The following LDB2 variants were observed in gnomAD, a reference collection of about 807,000 sequenced individuals.
The protein encoded by LDB2 is LIM domain-binding protein 2.
LDB2 carries 12 observed loss-of-function variants against 44.3 expected under a neutral mutation model. The ratio of observed to expected loss-of-function variants is 0.27; its 90% CI spans 0.17 to 0.44. LDB2 has a LOEUF of 0.44. Ranked by LOEUF, LDB2 falls within the 20% of genes least tolerant of loss-of-function variation. The pLI is 1.00. For synonymous variants in LDB2, 164 were observed against 174.8 expected (o/e 0.94, Z 0.49); for missense variants, 344 against 473.5 (o/e 0.73, Z 2.54).
chr4:16,849,058 G>C (rs568648552), intron 1 of LDB2, among the ~76,000 whole-genome samples: 533 of 152,154 alleles, frequency 3.5e-3, no homozygotes, highest in Non-Finnish European at 6.4e-3. Flanking sequence ...TCCTTTCCCC[G>C]ATCTACAAAG....
intron 1 of LDB2, among the ~76,000 whole-genome samples, chr4:16,807,063 C>G (rs1489855305): frequency 6.6e-6 from 1 of 152,226 alleles, no homozygotes; most frequent in Admixed American, 6.5e-5. Context: ...CAGTCCCATC[C>G]TGGGACACAT....
intron 1 of LDB2, among the ~76,000 whole-genome samples, chr4:16,813,445 G>A (rs991676589): frequency 6.6e-6 from 1 of 152,062 alleles, no homozygotes; most frequent in Non-Finnish European, 1.5e-5. Context: ...ATTATCTTTA[G>A]AATACTTGAT....
At chr4:16,614,894 C>A (rs1193550261) in intron 2 of LDB2, among the ~76,000 whole-genome samples, 32 of 150,170 alleles carry the variant, frequency 2.1e-4, no homozygotes, top group Non-Finnish European at 4.3e-4. Flanking sequence ...AACGGTGAAA[C>A]CCCGTCTCTA....
chr4:16,563,539 C>T (rs1280543313), intron 5 of LDB2, among the ~76,000 whole-genome samples: 1 of 147,344 alleles, frequency 6.8e-6, no homozygotes, highest in African/African-American at 2.5e-5. Flanking sequence ...AACTCCGCCT[C>T]CCGGGTTCAC....
chr4:16,650,330 C>T (rs1048745448), intron 2 of LDB2, among the ~76,000 whole-genome samples: 2 of 152,042 alleles, frequency 1.3e-5, no homozygotes, highest in African/African-American at 2.4e-5. Flanking sequence ...GCCAATAGCA[C>T]GTTTTTGATT....
intron 1 of LDB2, among the ~76,000 whole-genome samples, chr4:16,777,857 T>C (rs1267799762): frequency 6.6e-6 from 1 of 152,194 alleles, no homozygotes; most frequent in African/African-American, 2.4e-5. Flanking sequence ...TTCATAGCAC[T>C]CTTAATAAAC....
At chr4:16,669,816 C>G (rs908904868) in intron 2 of LDB2, among the ~76,000 whole-genome samples, 6 of 152,226 alleles carry the variant, frequency 3.9e-5, no homozygotes, top group Admixed American at 6.5e-5. Context: ...TCATCCAGCC[C>G]TCTTTCCCAA....
intron 1 of LDB2, among the ~76,000 whole-genome samples, chr4:16,761,599 T>C (rs1487080420): frequency 6.6e-6 from 1 of 152,166 alleles, no homozygotes; most frequent in African/African-American, 2.4e-5. Flanking sequence ...ATTTAGAACC[T>C]GAGGATAACA....
chr4:16,728,528 T>C (rs1760036961), intron 2 of LDB2, among the ~76,000 whole-genome samples: 1 of 152,224 alleles, frequency 6.6e-6, no homozygotes, highest in Non-Finnish European at 1.5e-5. Context: ...AGGATTATTT[T>C]TTGCTTATAT....
At chr4:16,672,876 C>T (rs966700189) in intron 2 of LDB2, among the ~76,000 whole-genome samples, 2 of 147,114 alleles carry the variant, frequency 1.4e-5, no homozygotes, top group African/African-American at 2.5e-5. Flanking sequence ...TCTCTTTCTT[C>T]CTTCCTTCCT....
intron 2 of LDB2, among the ~76,000 whole-genome samples, chr4:16,632,343 T>A (rs530097782): frequency 1.3e-5 from 2 of 152,286 alleles, no homozygotes; most frequent in South Asian, 4.1e-4. Flanking sequence ...CACGATTATC[T>A]CAATAGATGC....
At chr4:16,744,742 C>A (rs1764047017) in intron 2 of LDB2, among the ~76,000 whole-genome samples, 1 of 152,176 alleles carries the variant, frequency 6.6e-6, no homozygotes. Context: ...TCCCAAAGGG[C>A]TGGGATTACA....
intron 2 of LDB2, among the ~76,000 whole-genome samples, chr4:16,632,589 C>T (rs1020826604): frequency 7.9e-5 from 12 of 152,134 alleles, no homozygotes; most frequent in Middle Eastern, 3.4e-3. Context: ...TAGGGCAATC[C>T]GGTAAGAGAA....
At chr4:16,557,506 G>A (rs1339070252) in intron 5 of LDB2, among the ~76,000 whole-genome samples, 1 of 152,218 alleles carries the variant, frequency 6.6e-6, no homozygotes, top group African/African-American at 2.4e-5. Flanking sequence ...AGCGAGGCTG[G>A]GGGAGGGGCG....
In LDB2 at chr4:16,856,493, G is replaced by A. The variant is rs377127482; in HGVS notation, c.132+41861C>T. 7.2e-5 allele frequency among the ~76,000 whole-genome samples: 11 copies of A among 152,054 alleles called. No individual in the cohort carries two copies. The East Asian group carries it at 1.3e-3, about 19-fold the overall frequency. On this transcript the variant is annotated intron_variant, in intron 1 of 7. Coordinates refer to ENST00000304523, the MANE Select transcript of LDB2 (RefSeq NM_001290.5). ...CCAACTTTTTCAACAAAAACCACGC[G>A]GTAAATATCAATATCTTTGATTTTG...
At chr4:16,729,630 C>G (rs777737603) in intron 2 of LDB2, among the ~76,000 whole-genome samples, 23 of 152,120 alleles carry the variant, frequency 1.5e-4, no homozygotes, top group Non-Finnish European at 4.4e-5. Flanking sequence ...AGCTCACTGG[C>G]CTCTTCCTAT....
intron 1 of LDB2, among the ~76,000 whole-genome samples, chr4:16,844,963 C>T (rs1414555941): frequency 2.0e-5 from 3 of 152,184 alleles, no homozygotes; most frequent in Non-Finnish European, 2.9e-5. Context: ...AATGGTAGGT[C>T]AAGAGTAAAC....
chr4:16,726,606 G>GT (rs1759529073), intron 2 of LDB2: 1 of 152,170 alleles, frequency 6.6e-6, no homozygotes, highest in Non-Finnish European at 1.5e-5. Context: ...TGTGCGTTAA[G>GT]TAAAATGCTG....
chr4:16,523,501 T>A (rs559195563), intron 5 of LDB2, among the ~76,000 whole-genome samples: 1 of 152,282 alleles, frequency 6.6e-6, no homozygotes, highest in South Asian at 2.1e-4. Flanking sequence ...TTGGGACCAT[T>A]ATTAATTAAA....
Sources: gnomAD v4.1 joint callset for allele counts (sites outside exome capture counted in the v4.1 genomes callset) on GRCh38, gnomAD v4.1.1 for gene constraint, MANE v1.5 for transcripts, NCBI Gene and HGNC (gene_info 2026-07-23, HGNC 2026-07-21) for gene names.